The following ZNF385B variants were observed in gnomAD, a reference collection of about 807,000 sequenced individuals.
ZNF385B encodes the protein zinc finger protein 385B.
ZNF385B carries 23 observed loss-of-function variants against 39.2 expected under a neutral mutation model. The ratio of observed to expected loss-of-function variants is 0.59; its 90% confidence interval spans 0.42 to 0.83. ZNF385B has a LOEUF of 0.83. Among genes scored for constraint, ZNF385B ranks in the 40% least tolerant of loss-of-function variants. The pLI, the probability that ZNF385B is intolerant of heterozygous loss-of-function variation, is 0.00. For missense variants in ZNF385B, 552 were observed against 598.9 expected (o/e 0.92, Z 0.82); for synonymous variants, 205 against 222.6 (o/e 0.92, Z 0.70).
Position 179,691,992 on chromosome 2 carries a change from T to C in ZNF385B, c.298+77511A>G, listed in dbSNP as rs528682094. 5.9e-5 allele frequency among the ~76,000 whole-genome samples: 9 copies of C among 152,346 alleles called. No individual in the cohort carries two copies. The East Asian group carries it at 1.7e-3, about 29-fold the overall frequency. On this transcript the variant is annotated intron_variant, in intron 3 of 9. Coordinates refer to ENST00000410066, the MANE Select transcript of ZNF385B (RefSeq NM_152520.6). Reference sequence around the variant, plus strand: ...TATCCATCTCCTCAAGCATTTATTATATCTTTGTGGTAGGAACATTCCAAT... The same window carrying C: ...TATCCATCTCCTCAAGCATTTATTACATCTTTGTGGTAGGAACATTCCAAT...
intron 3 of ZNF385B, among the ~76,000 whole-genome samples, chr2:179,732,933 G>C (rs1434730592): frequency 6.6e-6 from 1 of 152,132 alleles, no homozygotes; most frequent in Non-Finnish European, 1.5e-5. Context: ...GGTGTGACTT[G>C]CATTGAGCTA....
chr2:179,544,020 C>T lies in ZNF385B; in HGVS notation c.441+807G>A, dbSNP rs537268677. Among the ~76,000 whole-genome samples the T allele has an allele frequency of 5.3e-5, 8 of 152,276 alleles. No individual in the cohort carries two copies. The South Asian group carries it at 1.5e-3, about 28-fold the overall frequency. ...ATTAATGTAGACTGTCATGCCCCAA[C>T]TAACTGTATTTAACAATCAAGCAGA... On this transcript the variant is annotated intron_variant, in intron 4 of 9. Coordinates refer to ENST00000410066, the MANE Select transcript of ZNF385B (RefSeq NM_152520.6).
intron 5 of ZNF385B, among the ~76,000 whole-genome samples, chr2:179,516,391 A>T (rs1457568851): frequency 6.6e-6 from 1 of 152,114 alleles, no homozygotes; most frequent in East Asian, 1.9e-4. Flanking sequence ...ACCATTTTGT[A>T]TTCTCACTGA....
At chr2:179,656,360 T>TTTCAC (rs547976279) in intron 3 of ZNF385B, among the ~76,000 whole-genome samples, 207 of 152,250 alleles carry the variant, frequency 1.4e-3, no homozygotes, top group African/African-American at 4.7e-3. Flanking sequence ...AAACTGAGGC[T>TTTCAC]TAAAGAGGGT....
At chr2:179,557,999 A>G (rs1369773594) in intron 3 of ZNF385B, among the ~76,000 whole-genome samples, 2 of 152,182 alleles carry the variant, frequency 1.3e-5, no homozygotes, top group Non-Finnish European at 1.5e-5. Flanking sequence ...TGTTTTGATC[A>G]ATATAACTAA....
chr2:179,805,603 C>T (rs930221842), intron 1 of ZNF385B, among the ~76,000 whole-genome samples: 3 of 152,130 alleles, frequency 2.0e-5, no homozygotes, highest in African/African-American at 7.2e-5. Context: ...GTTTATGTGG[C>T]AAATTACCTA....
chr2:179,660,142 C>G (rs574854832), intron 3 of ZNF385B: 5 of 152,532 alleles, frequency 3.3e-5, no homozygotes, highest in Admixed American at 3.3e-4. Flanking sequence ...ATAAATGTAT[C>G]AGGAGCTGAG....
intron 6 of ZNF385B, among the ~76,000 whole-genome samples, chr2:179,450,340 T>C (rs2049979171): frequency 6.6e-6 from 1 of 152,162 alleles, no homozygotes; most frequent in Non-Finnish European, 1.5e-5. Flanking sequence ...AGAAAATATT[T>C]GCAACCTACT....
intron 1 of ZNF385B, among the ~76,000 whole-genome samples, chr2:179,808,730 T>C (rs1367251219): frequency 1.3e-5 from 2 of 152,210 alleles, no homozygotes; most frequent in Admixed American, 6.5e-5. Flanking sequence ...TCTGTTACTG[T>C]GTCTAGGCCC....
chr2:179,528,923 G>A (rs141189812), intron 4 of ZNF385B, among the ~76,000 whole-genome samples: 1 of 152,290 alleles, frequency 6.6e-6, no homozygotes, highest in East Asian at 1.9e-4. Flanking sequence ...TTATGCTGCT[G>A]GGTAATTTAA....
chr2:179,751,237 T>G (rs1479224349), intron 3 of ZNF385B, among the ~76,000 whole-genome samples: 1 of 142,328 alleles, frequency 7.0e-6, no homozygotes, highest in African/African-American at 2.6e-5. Context: ...ATGAGCATGA[T>G]CCTGCCCACA....
At chr2:179,496,929 A>G (rs1363507086) in intron 5 of ZNF385B, among the ~76,000 whole-genome samples, 2 of 152,176 alleles carry the variant, frequency 1.3e-5, no homozygotes, top group African/African-American at 2.4e-5. Context: ...CAAATCTGTA[A>G]TCCCAGCTAC....
chr2:179,721,532 A>G (rs1277641514), intron 3 of ZNF385B, among the ~76,000 whole-genome samples: 1 of 152,184 alleles, frequency 6.6e-6, no homozygotes, highest in East Asian at 1.9e-4. Flanking sequence ...AAATTATTTC[A>G]TTCTTCCTCA....
chr2:179,488,710 C>T (rs2054882322), intron 5 of ZNF385B, among the ~76,000 whole-genome samples: 1 of 151,798 alleles, frequency 6.6e-6, no homozygotes, highest in Non-Finnish European at 1.5e-5. Context: ...TGTTTTTTTC[C>T]TGAGACCTTA....
chr2:179,560,981 T>G (rs1263906019), intron 3 of ZNF385B, among the ~76,000 whole-genome samples: 1 of 152,196 alleles, frequency 6.6e-6, no homozygotes, highest in Non-Finnish European at 1.5e-5. Flanking sequence ...CTGCCATACA[T>G]GTGAAGGACA....
chr2:179,820,970 A>G (rs1318357953), intron 1 of ZNF385B, among the ~76,000 whole-genome samples: 1 of 152,194 alleles, frequency 6.6e-6, no homozygotes, highest in Non-Finnish European at 1.5e-5. Context: ...TCTAGAAATA[A>G]TGCTAAAATT....
intron 4 of ZNF385B, chr2:179,522,989 T>A: frequency 2.7e-6 from 1 of 368,282 alleles, no homozygotes; most frequent in South Asian, 2.2e-5. Flanking sequence ...ACATGAAAAT[T>A]TAAAGACCCA....
intron 1 of ZNF385B, among the ~76,000 whole-genome samples, chr2:179,816,486 C>T (rs958433484): frequency 7.2e-5 from 11 of 152,178 alleles, no homozygotes; most frequent in Admixed American, 7.2e-4. Context: ...CTAATGACTT[C>T]GTATTTCACT....
intron 5 of ZNF385B, among the ~76,000 whole-genome samples, chr2:179,492,007 A>T (rs1464692213): frequency 6.6e-6 from 1 of 152,160 alleles, no homozygotes; most frequent in African/African-American, 2.4e-5. Context: ...GCCATCTTTT[A>T]TTTTATAATA....
Sources: gnomAD v4.1 joint callset for allele counts (sites outside exome capture counted in the v4.1 genomes callset) on GRCh38, gnomAD v4.1.1 for gene constraint, MANE v1.5 for transcripts, NCBI Gene and HGNC (gene_info 2026-07-23, HGNC 2026-07-21) for gene names.